The following DENND2C variants were observed in gnomAD, a reference collection of about 807,000 sequenced individuals.
DENND2C encodes DENN domain-containing protein 2C.
In DENND2C, 72 loss-of-function variants were observed where a neutral mutation model predicts 112.4. The observed-to-expected ratio is 0.64, with a 90% confidence interval of 0.53 to 0.78. DENND2C has a LOEUF of 0.78. Ranked by LOEUF, DENND2C falls within the 30% of genes least tolerant of loss-of-function variation. The probability of loss-of-function intolerance (pLI) is 0.00; values close to 1 mark genes in which losing one functional copy is unlikely to be tolerated. For synonymous variants in DENND2C, 329 were observed against 381.6 expected (o/e 0.86, Z 1.61); for missense variants, 992 against 1,113.8 (o/e 0.89, Z 1.56).
In DENND2C at chr1:114,587,912, C is replaced by T. The variant is rs762905349; in HGVS notation, c.2472G>A (p.Arg824=). ...LNSLVSEAFV[R]FFVELVGHYS... is the part of the protein sequence containing the mutation. ...AATGTCCTACCAACTCCACAAAAAA[C>T]CTGACAAATGCTTCGGACACCAGAG... Residue 824 remains arginine, a synonymous_variant, in exon 19 of 21, where the codon AGG becomes AGA. Coordinates refer to ENST00000393274, the MANE Select transcript of DENND2C (RefSeq NM_001256404.2). The T allele has an allele frequency of 1.1e-5, 18 of 1,613,988 alleles. No homozygotes were observed. The highest frequency in any genetic ancestry group is 1.5e-5 in the Non-Finnish European group (18 of 1,180,032).
intron 1 of DENND2C, among the ~76,000 whole-genome samples, chr1:114,661,133 A>T (rs1657480494): frequency 6.6e-6 from 1 of 151,856 alleles, no homozygotes; most frequent in Non-Finnish European, 1.5e-5. Context: ...AAAAGAAAAG[A>T]AAATCCTCCT....
chr1:114,663,280 C>A (rs1237314381), intron 1 of DENND2C, among the ~76,000 whole-genome samples: 2 of 152,186 alleles, frequency 1.3e-5, no homozygotes, highest in Non-Finnish European at 2.9e-5. Flanking sequence ...GTTTCAATGT[C>A]CCCACTTTCA....
intron 1 of DENND2C, among the ~76,000 whole-genome samples, chr1:114,664,893 G>C (rs1472835848): frequency 6.6e-6 from 1 of 150,722 alleles, no homozygotes; most frequent in East Asian, 2.0e-4. Flanking sequence ...AGGAGTTCGA[G>C]ACCAGCCTGA....
intron 3 of DENND2C, among the ~76,000 whole-genome samples, chr1:114,643,614 CT>C (rs1656902648): frequency 6.6e-6 from 1 of 152,122 alleles, no homozygotes; most frequent in Non-Finnish European, 1.5e-5. Flanking sequence ...TTATAAGTAA[CT>C]AAAAATGGTT....
At chr1:114,652,470 G>T (rs1657192957) in intron 2 of DENND2C, among the ~76,000 whole-genome samples, 1 of 151,942 alleles carries the variant, frequency 6.6e-6, no homozygotes, top group South Asian at 2.1e-4. Flanking sequence ...TAGGAGATGG[G>T]TAGTTAGGAA....
At chr1:114,608,133 G>A (rs762338075) in intron 10 of DENND2C, among the ~76,000 whole-genome samples, 6 of 151,832 alleles carry the variant, frequency 4.0e-5, no homozygotes, top group East Asian at 1.9e-4. Context: ...AAAAATTAGC[G>A]GGGTGTGGTG....
intron 11 of DENND2C, 21 bp downstream of exon 11, chr1:114,604,901 C>T (rs1233251098): frequency 2.0e-6 from 3 of 1,522,194 alleles, no homozygotes; most frequent in African/African-American, 1.4e-5. Flanking sequence ...GAATAGAAAT[C>T]AGATAAATTA....
rs538193873 is a variant in DENND2C at position 114,624,449 on chromosome 1, G to A, written c.806+730C>T. Among the ~76,000 whole-genome samples, 4 of 140,838 alleles carry A rather than the reference G, an allele frequency of 2.8e-5. No homozygotes were observed. The South Asian group carries it at 7.4e-4, about 26-fold the overall frequency. The allele number at this position is 140,838 out of a possible 152,430, so 92.4% of individuals were successfully genotyped here. On this transcript the variant is annotated intron_variant, in intron 4 of 20. Coordinates refer to ENST00000393274, the MANE Select transcript of DENND2C (RefSeq NM_001256404.2). ...ACGACAGGAACACATCACTACACCT[G>A]GCTAATTTTTTCTTTTTTCTTTTTT... is the stretch of plus-strand genomic sequence containing the variant.
intron 2 of DENND2C, among the ~76,000 whole-genome samples, chr1:114,649,965 C>T (rs1288947666): frequency 6.6e-6 from 1 of 152,122 alleles, no homozygotes; most frequent in Non-Finnish European, 1.5e-5. Context: ...CATTTTTATA[C>T]AGATGCAATT....
rs1389972151 is a variant in DENND2C, at chr1:114,600,255, CAG to C, written c.2052_2053del (p.Ala686LeufsTer7). 3 of 1,613,994 alleles carry C rather than the reference CAG, an allele frequency of 1.9e-6. No individual in the cohort carries two copies. The highest frequency in any genetic ancestry group is 8.5e-7 in the Non-Finnish European group (1 of 1,180,024). ...CCTACGCTCCAAAAGGAGAGAGGCACAGACCCGGATGAGATGACACACACTCA... is the reference window on the plus strand; with the variant it reads ...CCTACGCTCCAAAAGGAGAGAGGCACACCCGGATGAGATGACACACACTCA... On this transcript the variant is annotated frameshift_variant, in exon 15 of 21. Transcript: ENST00000393274. LOFTEE classifies it high-confidence loss of function.
chr1:114,606,576 C>T (rs1655662575), intron 10 of DENND2C, among the ~76,000 whole-genome samples: 1 of 152,206 alleles, frequency 6.6e-6, no homozygotes. Context: ...AGGAAAACTA[C>T]ATAATTCAGA....
At chr1:114,616,804 G>A (rs1382595386) in intron 8 of DENND2C, among the ~76,000 whole-genome samples, 3 of 152,180 alleles carry the variant, frequency 2.0e-5, no homozygotes, top group South Asian at 2.1e-4. Context: ...GCACTGAGCC[G>A]AGATCATGCC....
chr1:114,592,060 T>G (rs1655209368), intron 18 of DENND2C, among the ~76,000 whole-genome samples: 1 of 151,962 alleles, frequency 6.6e-6, no homozygotes, highest in Non-Finnish European at 1.5e-5. Flanking sequence ...AATTTTTGTA[T>G]TTTTAGTAGA....
At position 114,625,709 on chromosome 1, in the gene DENND2C, T is replaced by G; in HGVS notation, c.276A>C (p.Gln92His). ...CATGTTTCTTATTTTCATTCTCACT[T>G]TGATCATGGCTTTTGGTATTTTCAT... is the stretch of plus-strand genomic sequence containing the variant. ...DINENTKSHD[Q>H]SENENKKHEY... The change falls in exon 4 of 21, where the codon CAA becomes CAC. Residue 92 changes from glutamine to histidine, a missense_variant. This residue lies in a region of DENND2C where 470 missense variants were observed against 472.7 expected (regional missense o/e 0.99). Transcript: ENST00000393274. 6.2e-7 allele frequency: 1 copy of G among 1,614,108 alleles called. No homozygotes were observed. Among genetic ancestry groups the G allele is most frequent in the African/African-American group, 1.3e-5 (1 of 75,052 alleles).
rs1655970064 is a variant in DENND2C at position 114,616,300 on chromosome 1, G to A, written c.1324+2086C>T. On this transcript the variant is annotated intron_variant, in intron 8 of 20. Coordinates refer to ENST00000393274, the MANE Select transcript of DENND2C (RefSeq NM_001256404.2). Reference sequence around the variant, plus strand: ...CAAGCTTCTCAGGAGAAAGAGGCAGGAGAATCACTTGAATCCAGAAGGCAG... The same window carrying A: ...CAAGCTTCTCAGGAGAAAGAGGCAGAAGAATCACTTGAATCCAGAAGGCAG... Among the ~76,000 whole-genome samples the A allele has an allele frequency of 3.3e-5, 5 of 151,576 alleles. No homozygotes were observed. In the South Asian group the frequency reaches 1.0e-3, roughly 32 times the overall value.
rs1368359751 is a variant in DENND2C, at chr1:114,621,935, G to C, written c.1187C>G (p.Ala396Gly). 1.9e-6 allele frequency: 3 copies of C among 1,550,618 alleles called. No individual in the cohort carries two copies. In the Admixed American group the frequency reaches 5.9e-5, roughly 30 times the overall value. ...VTLTEWKLFR[A>G]GEVANTKRKN... Reference sequence around the variant, plus strand: ...CCTTTTCGTGTTTGCAACTTCACCAGCTCGGAAAAGCTTCCATTCCGTTAA... The same window carrying C: ...CCTTTTCGTGTTTGCAACTTCACCACCTCGGAAAAGCTTCCATTCCGTTAA... Residue 396 changes from alanine (A) to glycine (G), a missense_variant, in exon 7 of 21, where the codon GCT becomes GGT. Transcript: ENST00000393274.
intron 9 of DENND2C, among the ~76,000 whole-genome samples, chr1:114,610,624 C>T (rs1045666793): frequency 3.3e-5 from 5 of 150,512 alleles, no homozygotes; most frequent in South Asian, 4.2e-4. Flanking sequence ...TGCCTGAACC[C>T]GGGAGGCAGA....
At position 114,621,956 on chromosome 1, in the gene DENND2C, G is replaced by T; in HGVS notation, c.1166C>A (p.Thr389Lys). 24 of 1,550,670 alleles carry T rather than the reference G, an allele frequency of 1.5e-5. No individual in the cohort carries two copies. Among genetic ancestry groups the T allele is most frequent in the Non-Finnish European group, 2.1e-5 (24 of 1,146,988 alleles). ...ACCAGCTCGGAAAAGCTTCCATTCC[G>T]TTAAAGTGACCGGCAAAGTTGTATC... The part of the protein sequence containing the change: ...TKDTTLPVTL[T>K]EWKLFRAGEV... Residue 389 changes from threonine (T) to lysine (K), a missense_variant, in exon 7 of 21, where the codon ACG (threonine) becomes AAG (lysine). Physicochemically the swap from Thr to Lys is moderately conservative, Grantham distance 78 (BLOSUM62 -1). Around this residue, in one of 3 missense-constraint regions of DENND2C, gnomAD observed 470 missense variants for 472.7 expected, o/e 0.99. Coordinates refer to ENST00000393274, the MANE Select transcript of DENND2C (RefSeq NM_001256404.2).
intron 3 of DENND2C, among the ~76,000 whole-genome samples, chr1:114,630,285 C>T (rs574390081): frequency 3.4e-4 from 51 of 150,060 alleles, no homozygotes; most frequent in African/African-American, 1.1e-3. Context: ...TCCAGTCTGG[C>T]GACAGAGCGA....
Sources: gnomAD v4.1 joint callset for allele counts (sites outside exome capture counted in the v4.1 genomes callset) on GRCh38, gnomAD v4.1.1 for gene constraint, gnomAD v4.1.1 regional missense constraint, MANE v1.5 for transcripts, NCBI Gene and HGNC (gene_info 2026-07-23, HGNC 2026-07-21) for gene names.